Variants in ADCY8 observed in about 807,000 individuals in gnomAD.
ADCY8 encodes adenylate cyclase type 8.
ADCY8 carries 51 observed loss-of-function variants against 119.7 expected under a neutral mutation model. That is an observed-to-expected ratio of 0.43 (90% CI 0.34 to 0.54). ADCY8 has a LOEUF of 0.54. ADCY8 is among the 20% of genes least tolerant of loss of function. The pLI is 0.03. For missense variants in ADCY8, 1,383 were observed against 1,598.8 expected (o/e 0.87, Z 2.30); for synonymous variants, 665 against 651.0 (o/e 1.02, Z -0.33).
intron 2 of ADCY8, among the ~76,000 whole-genome samples, chr8:130,972,239 C>A (rs568707132): frequency 6.6e-6 from 1 of 152,218 alleles, no homozygotes; most frequent in Non-Finnish European, 1.5e-5. Context: ...AAGCCCTGTA[C>A]ATGAATCATT....
intron 7 of ADCY8, among the ~76,000 whole-genome samples, chr8:130,891,151 G>A (rs745525250): frequency 6.6e-5 from 10 of 152,158 alleles, no homozygotes; most frequent in Non-Finnish European, 1.2e-4. Flanking sequence ...CCCTGTGGCA[G>A]CATGTTTCTG....
chr8:130,980,580 T>C (rs909516159), intron 2 of ADCY8, among the ~76,000 whole-genome samples: 10 of 152,200 alleles, frequency 6.6e-5, no homozygotes, highest in African/African-American at 1.7e-4. Flanking sequence ...GGACGGGTAG[T>C]GTGAGCTTGA....
At chr8:130,818,017 C>A (rs1375993775) in intron 13 of ADCY8, among the ~76,000 whole-genome samples, 1 of 152,126 alleles carries the variant, frequency 6.6e-6, no homozygotes, top group Non-Finnish European at 1.5e-5. Flanking sequence ...AAATGTTTTG[C>A]AGAAATCATT....
At chr8:130,983,709 G>T (rs1822309020) in intron 2 of ADCY8, among the ~76,000 whole-genome samples, 1 of 152,098 alleles carries the variant, frequency 6.6e-6, no homozygotes, top group Non-Finnish European at 1.5e-5. Flanking sequence ...TTAGTGTGAG[G>T]TCTTATATAA....
chr8:130,883,455 G>C, intron 8 of ADCY8, among the ~76,000 whole-genome samples: 1 of 152,158 alleles, frequency 6.6e-6, no homozygotes, highest in Non-Finnish European at 1.5e-5. Flanking sequence ...ATTGGGAACT[G>C]TAGGTGAAGG....
chr8:130,927,543 TAGGTTC>T (rs1207781173), intron 5 of ADCY8, among the ~76,000 whole-genome samples: 1 of 152,238 alleles, frequency 6.6e-6, no homozygotes, highest in East Asian at 1.9e-4. Context: ...TTCTGTAGTT[TAGGTTC>T]ACTATCTTAA....
chr8:130,956,932 C>A (rs1364363947), intron 2 of ADCY8, among the ~76,000 whole-genome samples: 1 of 152,172 alleles, frequency 6.6e-6, no homozygotes, highest in Non-Finnish European at 1.5e-5. Context: ...CCAATTAAAA[C>A]CCTTTTTCCT....
At chr8:131,005,264 CTACAAAA>C (rs1376798507) in intron 1 of ADCY8, among the ~76,000 whole-genome samples, 1 of 152,210 alleles carries the variant, frequency 6.6e-6, no homozygotes, top group Non-Finnish European at 1.5e-5. Context: ...GAAGCGCTGT[CTACAAAA>C]TACTTAGTAT....
intron 1 of ADCY8, among the ~76,000 whole-genome samples, chr8:131,004,160 T>C (rs1004063842): frequency 6.6e-6 from 1 of 152,110 alleles, no homozygotes; most frequent in Non-Finnish European, 1.5e-5. Context: ...TAGTGTACCA[T>C]GGAGGGATTA....
intron 1 of ADCY8, among the ~76,000 whole-genome samples, chr8:131,018,698 G>A (rs1274790643): frequency 1.3e-5 from 2 of 152,196 alleles, no homozygotes; most frequent in Non-Finnish European, 2.9e-5. Flanking sequence ...ATAGATGAAG[G>A]AATTGAGGCT....
intron 11 of ADCY8, among the ~76,000 whole-genome samples, chr8:130,840,264 C>T (rs539480255): frequency 7.3e-6 from 1 of 137,812 alleles, no homozygotes; most frequent in East Asian, 2.3e-4. Flanking sequence ...GGTCTGGAGA[C>T]ACACATTTAG....
At chr8:130,824,680 T>G (rs1816621474) in intron 12 of ADCY8, among the ~76,000 whole-genome samples, 1 of 152,264 alleles carries the variant, frequency 6.6e-6, no homozygotes, top group Admixed American at 6.5e-5. Context: ...TCCTGGTTGT[T>G]CATTCCTCCT....
intron 14 of ADCY8, among the ~76,000 whole-genome samples, chr8:130,812,736 A>G (rs1191087286): frequency 6.6e-6 from 1 of 152,202 alleles, no homozygotes; most frequent in East Asian, 1.9e-4. Flanking sequence ...AAGAACATTA[A>G]TGAGCATTTG....
At chr8:130,853,080 C>G (rs1049765603) in intron 9 of ADCY8, among the ~76,000 whole-genome samples, 1 of 152,184 alleles carries the variant, frequency 6.6e-6, no homozygotes, top group African/African-American at 2.4e-5. Flanking sequence ...AAGGGCTAAT[C>G]CAGAAACTAT....
chr8:130,949,956 G>A (rs918591554), intron 3 of ADCY8, among the ~76,000 whole-genome samples: 8 of 152,092 alleles, frequency 5.3e-5, no homozygotes, highest in African/African-American at 1.9e-4. Context: ...CTCAATTCTT[G>A]GACAAGACCC....
intron 2 of ADCY8, among the ~76,000 whole-genome samples, chr8:130,985,942 C>A (rs1252649557): frequency 6.6e-6 from 1 of 152,178 alleles, no homozygotes; most frequent in African/African-American, 2.4e-5. Flanking sequence ...GCCCCCAGAG[C>A]TTCTGAGACA....
chr8:130,823,351 C>A (rs1816577399), intron 12 of ADCY8, among the ~76,000 whole-genome samples: 1 of 152,144 alleles, frequency 6.6e-6, no homozygotes. Flanking sequence ...AGCATCAGAA[C>A]TGTGGTTTGA....
At chr8:130,939,164 C>A (rs1820885302) in intron 4 of ADCY8, among the ~76,000 whole-genome samples, 1 of 151,846 alleles carries the variant, frequency 6.6e-6, no homozygotes, top group South Asian at 2.1e-4. Context: ...CAAATACTAT[C>A]TACTATCCCC....
At chr8:131,005,330 C>T (rs972876009) in intron 1 of ADCY8, among the ~76,000 whole-genome samples, 7 of 152,188 alleles carry the variant, frequency 4.6e-5, no homozygotes, top group Non-Finnish European at 7.4e-5. Flanking sequence ...CTAGTACTGC[C>T]GTCCTCATAC....
Sources: allele counts gnomAD v4.1 joint callset (sites outside exome capture counted in the v4.1 genomes callset), GRCh38; gene constraint gnomAD v4.1.1; transcripts MANE v1.5; gene names NCBI Gene and HGNC (gene_info 2026-07-23, HGNC 2026-07-21).